GRB10: variants seen among roughly 807,000 people sequenced by gnomAD.
GRB10 encodes growth factor receptor-bound protein 10.
A neutral mutation model predicts 80.9 loss-of-function variants in GRB10; 20 were observed. The observed-to-expected ratio is 0.25, with a 90% CI of 0.17 to 0.36. The LOEUF is 0.36. Ranked by LOEUF, GRB10 falls within the 10% of genes least tolerant of loss-of-function variation. The pLI, the probability that GRB10 is intolerant of heterozygous loss-of-function variation, is 1.00. For missense variants in GRB10, 548 were observed against 747.7 expected, an observed-to-expected ratio of 0.73 and a Z score of 3.12; for synonymous variants, 291 against 291.5, an observed-to-expected ratio of 1.00 and a Z score of 0.02.
intron 3 of GRB10, among the ~76,000 whole-genome samples, chr7:50,755,165 C>T (rs1001401705): frequency 2.6e-5 from 4 of 152,226 alleles, no homozygotes; most frequent in African/African-American, 9.6e-5. Flanking sequence ...ACTCTGCAGG[C>T]AAAGGCTCCG....
At chr7:50,683,325 T>TAA in intron 5 of GRB10, among the ~76,000 whole-genome samples, 1 of 152,336 alleles carries the variant, frequency 6.6e-6, no homozygotes, top group Middle Eastern at 3.4e-3. Context: ...GGGTGTTATT[T>TAA]ATTTGATGGG....
intron 5 of GRB10, among the ~76,000 whole-genome samples, chr7:50,680,954 C>T (rs1453777679): frequency 2.0e-5 from 3 of 152,140 alleles, no homozygotes; most frequent in Non-Finnish European, 4.4e-5. Flanking sequence ...CCCAATATGA[C>T]TTACAGATCC....
chr7:50,758,282 G>C (rs992432236), intron 2 of GRB10, among the ~76,000 whole-genome samples: 1 of 152,056 alleles, frequency 6.6e-6, no homozygotes, highest in African/African-American at 2.4e-5. Context: ...CGGACCACTG[G>C]ACAGAAGTTA....
rs551947173 is a variant in GRB10, at chr7:50,763,545, C to T, written c.-216-7489G>A. Among the ~76,000 whole-genome samples the T allele has an allele frequency of 5.3e-5, 8 of 152,304 alleles. No individual in the cohort carries two copies. In the East Asian group the frequency reaches 9.7e-4, roughly 18 times the overall value. ...ACAGAAAGACTCACATGCATACACA[C>T]GCGTGCATACACACACACGGAATGT... On this transcript the variant is annotated intron_variant, in intron 2 of 18. Transcript: ENST00000401949.
intron 13 of GRB10, among the ~76,000 whole-genome samples, chr7:50,612,397 C>T (rs190063476): frequency 6.6e-6 from 1 of 152,218 alleles, no homozygotes; most frequent in Admixed American, 6.5e-5. Context: ...ACTGGCCGGG[C>T]GTGCGACTGG....
At chr7:50,675,390 G>C (rs1417711079) in intron 5 of GRB10, among the ~76,000 whole-genome samples, 1 of 152,264 alleles carries the variant, frequency 6.6e-6, no homozygotes, top group Admixed American at 6.5e-5. Flanking sequence ...CGCAGAGACA[G>C]TGATGGTTGG....
intron 7 of GRB10, among the ~76,000 whole-genome samples, chr7:50,649,181 C>T (rs536180017): frequency 2.0e-4 from 31 of 152,252 alleles, no homozygotes; most frequent in African/African-American, 7.5e-4. Context: ...TGTCCCTGTT[C>T]TGGGGGACTG....
rs150682599 is a variant in GRB10, at chr7:50,697,009, T to C, written c.139+6812A>G. 2.3e-4 allele frequency among the ~76,000 whole-genome samples: 35 copies of C among 152,356 alleles called. No homozygotes were observed. In the East Asian group the frequency reaches 6.4e-3, roughly 28 times the overall value. On this transcript the variant is annotated intron_variant, in intron 5 of 18. Coordinates refer to ENST00000401949, the MANE Select transcript of GRB10 (RefSeq NM_001350814.2). ...AAAGGAAGGAAATTCTGGCACATGC[T>C]ACAACATGGGTGAACCCTGAAGACA...
chr7:50,716,459 TGAAAA>T (rs2066889155), intron 4 of GRB10, among the ~76,000 whole-genome samples: 1 of 151,542 alleles, frequency 6.6e-6, no homozygotes, highest in Admixed American at 6.6e-5. Context: ...GTACCAGGCA[TGAAAA>T]GAAAATAAAA....
chr7:50,630,443 G>A (rs2053786291), intron 7 of GRB10, among the ~76,000 whole-genome samples: 1 of 152,268 alleles, frequency 6.6e-6, no homozygotes, highest in East Asian at 1.9e-4. Context: ...AAAGATCCTG[G>A]CCCCTGACAC....
intron 4 of GRB10, among the ~76,000 whole-genome samples, chr7:50,713,635 T>TG (rs1418348931): frequency 1.2e-4 from 12 of 99,256 alleles, no homozygotes; most frequent in African/African-American, 4.1e-4. Flanking sequence ...CACCATCACC[T>TG]CCACCTCCCC....
intron 5 of GRB10, among the ~76,000 whole-genome samples, chr7:50,700,473 GGT>G (rs2064029656): frequency 6.6e-6 from 1 of 152,058 alleles, no homozygotes; most frequent in Non-Finnish European, 1.5e-5. Context: ...ACCAAAGACT[GGT>G]GTTTGATTTT....
chr7:50,631,798 C>T (rs1225530261), intron 7 of GRB10, among the ~76,000 whole-genome samples: 31 of 152,230 alleles, frequency 2.0e-4, no homozygotes, highest in African/African-American at 2.4e-5. Context: ...CTTAACTCCA[C>T]GCACATGTCT....
intron 3 of GRB10, among the ~76,000 whole-genome samples, chr7:50,735,877 CA>C (rs1174141405): frequency 1.3e-5 from 2 of 151,504 alleles, no homozygotes; most frequent in African/African-American, 2.4e-5. Context: ...GGAAAAAAAA[CA>C]AAACAGAACA....
chr7:50,781,406 C>T (rs929743896), intron 1 of GRB10: 1 of 152,254 alleles, frequency 6.6e-6, no homozygotes, highest in Non-Finnish European at 1.5e-5. Flanking sequence ...ATGCGTGGGC[C>T]CTGCTCCCAC....
intron 3 of GRB10, among the ~76,000 whole-genome samples, chr7:50,738,340 A>G (rs1262800109): frequency 6.6e-6 from 1 of 152,264 alleles, no homozygotes; most frequent in East Asian, 1.9e-4. Flanking sequence ...CCATGTTCAT[A>G]GCAGCACTAT....
At chr7:50,749,125 T>TTG in intron 3 of GRB10, among the ~76,000 whole-genome samples, 1 of 76,920 alleles carries the variant, frequency 1.3e-5, no homozygotes, top group Admixed American at 1.7e-4. Context: ...TTGTTTTGTT[T>TTG]TTTTGTTTGT....
intron 5 of GRB10, among the ~76,000 whole-genome samples, chr7:50,688,836 C>T (rs1007159606): frequency 1.3e-5 from 2 of 152,072 alleles, no homozygotes; most frequent in African/African-American, 4.8e-5. Flanking sequence ...CTGGGAGAAA[C>T]CGAACTGTCG....
chr7:50,607,189 T>C (rs1246473022), intron 13 of GRB10: 1 of 152,504 alleles, frequency 6.6e-6, no homozygotes, highest in East Asian at 1.9e-4. Flanking sequence ...TACAAAATTA[T>C]GAGAGTAATA....
Sources: gnomAD v4.1 joint callset for allele counts (sites outside exome capture counted in the v4.1 genomes callset) on GRCh38, gnomAD v4.1.1 for gene constraint, MANE v1.5 for transcripts, NCBI Gene and HGNC (gene_info 2026-07-23, HGNC 2026-07-21) for gene names.